SMG1: variants seen among roughly 807,000 people sequenced by gnomAD.
SMG1 encodes SMG1 nonsense mediated mRNA decay associated PI3K related kinase.
In SMG1, 22 loss-of-function variants were observed where a neutral mutation model predicts 419.9. That is an observed-to-expected ratio of 0.05 (90% CI 0.04 to 0.07). The LOEUF is 0.07. Among genes scored for constraint, SMG1 ranks in the 10% least tolerant of loss-of-function variants. The probability of loss-of-function intolerance (pLI) is 1.00; values close to 1 mark genes in which losing one functional copy is unlikely to be tolerated. For synonymous variants in SMG1, 1,538 were observed against 1,553.5 expected (o/e 0.99, Z 0.23); for missense variants, 3,185 against 4,342.0 (o/e 0.73, Z 7.49).
At chr16:18,869,381 G>A in intron 19 of SMG1, 78 bp from the exon 20 acceptor site, 9 of 1,246,622 alleles carry the variant, frequency 7.2e-6, no homozygotes, top group Non-Finnish European at 1.0e-5. Flanking sequence ...AAGGGGAATA[G>A]GAATAAGGAA....
intron 1 of SMG1, among the ~76,000 whole-genome samples, chr16:18,897,804 C>T (rs182089867): frequency 1.3e-4 from 19 of 150,630 alleles, no homozygotes; most frequent in Non-Finnish European, 1.6e-4. Flanking sequence ...CATAAACTAT[C>T]AAGAAAGAAG....
intron 13 of SMG1, among the ~76,000 whole-genome samples, chr16:18,873,200 G>C (rs1181090649): frequency 6.6e-6 from 1 of 152,090 alleles, no homozygotes; most frequent in African/African-American, 2.4e-5. Flanking sequence ...ACACAGGAAT[G>C]AGAGTACCTG....
At chr16:18,809,759 T>C (rs1053792909) in intron 62 of SMG1, 113 bp from the exon 63 acceptor site, 16 of 721,876 alleles carry the variant, frequency 2.2e-5, no homozygotes, top group Non-Finnish European at 3.4e-5. Context: ...GACTCTATAC[T>C]TACCCTGCTC....
rs972216306 is a variant in SMG1, at chr16:18,925,988, G to A, written c.54C>T (p.Gly18=). The change falls in exon 1 of 63, where the codon GGC becomes GGT. Residue 18 remains glycine (G), a synonymous_variant. Transcript: ENST00000446231. ...CATTCCAGCTCCGCGGATACTTGGT[G>A]CCGCCGCCGCCGCCGCCGCTGCTCA... The part of the protein sequence containing the change: ...SRLSSGGGGG[G]TKYPRSWNDW... 4.0e-6 allele frequency: 6 copies of A among 1,506,392 alleles called. No homozygotes were observed. Among genetic ancestry groups the A allele is most frequent in the African/African-American group, 2.9e-5 (2 of 70,064 alleles). 93.3% of individuals were successfully genotyped at this position (1,506,392 alleles called of 1,614,324 possible). A position where few individuals can be genotyped will look rare whatever the true frequency, so the allele number is the denominator to read the frequency against.
rs1004570096 is a variant in SMG1, at chr16:18,808,812, T to C, written c.*757A>G. The C allele has an allele frequency of 6.6e-6, 1 of 152,578 alleles. No homozygotes were observed. The allele number at this position is 152,578 out of a possible 1,614,324, so 9.5% of individuals were successfully genotyped here. ...ATGTTATCAGAAGTTGTTAACAGCA[T>C]CGAGACGGAAGTATATGAAATATAA... On this transcript the variant is annotated 3_prime_UTR_variant, in exon 63 of 63. Transcript: ENST00000446231.
Position 18,854,798 on chromosome 16 carries a change from C to T in SMG1, c.4341G>A (p.Gln1447=). ...NVSLATRLLA[Q]CSEVQLGKTT... ...TCTTTCCCAGCTGAACTTCACTGCA[C>T]TGTGCCAGCAGTCTTGTTGCAAGGG... Residue 1447 remains glutamine, a synonymous_variant, in exon 30 of 63, where the codon CAG becomes CAA. Coordinates refer to ENST00000446231, the MANE Select transcript of SMG1 (RefSeq NM_015092.5). The T allele has an allele frequency of 6.2e-7, 1 of 1,614,048 alleles. No homozygotes were observed. Among genetic ancestry groups the T allele is most frequent in the Non-Finnish European group, 8.5e-7 (1 of 1,179,900 alleles).
intron 36 of SMG1, among the ~76,000 whole-genome samples, chr16:18,848,740 A>G (rs886245693): frequency 6.6e-6 from 1 of 152,066 alleles, no homozygotes; most frequent in African/African-American, 2.4e-5. Context: ...TGCCAGATAC[A>G]TAGTAGTTAC....
chr16:18,912,474 A>C (rs1317680111), intron 1 of SMG1, among the ~76,000 whole-genome samples: 2 of 152,168 alleles, frequency 1.3e-5, no homozygotes, highest in East Asian at 3.9e-4. Context: ...GTTGTACCCT[A>C]TGTGTACAAT....
intron 42 of SMG1, among the ~76,000 whole-genome samples, chr16:18,838,908 G>C (rs1042612694): frequency 6.6e-6 from 1 of 152,156 alleles, no homozygotes; most frequent in African/African-American, 2.4e-5. Context: ...CTATCAGGAT[G>C]CTGGATTAAA....
intron 1 of SMG1, among the ~76,000 whole-genome samples, chr16:18,917,766 G>A (rs1280658710): frequency 3.3e-5 from 5 of 150,926 alleles, no homozygotes; most frequent in Non-Finnish European, 5.9e-5. Flanking sequence ...TAGTAGAGAC[G>A]GGGTTTCTCC....
At position 18,850,246 on chromosome 16, in the gene SMG1, G is replaced by A. The variant is rs549860139; in HGVS notation, c.5274C>T (p.Asn1758=). The change falls in exon 34 of 63, where the codon AAC becomes AAT. Residue 1758 remains asparagine, a synonymous_variant. Coordinates refer to ENST00000446231, the MANE Select transcript of SMG1 (RefSeq NM_015092.5). The stretch of plus-strand genomic sequence containing the variant: ...ACACTGTGCTACATACTTGACCAGC[G>A]TTGAGTTTAAGGAAAGTAAAGTATG... The part of the protein sequence containing the change: ...CSAYFTFLKL[N]AGQIPLDEDD... 17 of 1,609,010 alleles carry A rather than the reference G, an allele frequency of 1.1e-5. No homozygotes were observed. In the Admixed American group the frequency reaches 2.2e-4, roughly 21 times the overall value.
chr16:18,924,587 T>C (rs1218838880), intron 1 of SMG1, among the ~76,000 whole-genome samples: 1 of 152,132 alleles, frequency 6.6e-6, no homozygotes, highest in African/African-American at 2.4e-5. Flanking sequence ...AAATACTTAA[T>C]CAACTAATTT....
chr16:18,895,492 A>AAAC lies in SMG1; in HGVS notation c.412+557_412+559dup, dbSNP rs1013491951. Among the ~76,000 whole-genome samples, 7 of 149,780 alleles carry AAAC rather than the reference A, an allele frequency of 4.7e-5. No individual in the cohort carries two copies. The South Asian group carries it at 1.3e-3, about 28-fold the overall frequency. The stretch of plus-strand genomic sequence containing the variant: ...AGACTGTCTCAAAAAAATATATTGA[A>AAAC]AACAACAACAAAAAAAAAAACCAGA... On this transcript the variant is annotated intron_variant, in intron 3 of 62. Coordinates refer to ENST00000446231, the MANE Select transcript of SMG1 (RefSeq NM_015092.5).
At chr16:18,827,846 A>G (rs973697190) in intron 55 of SMG1, among the ~76,000 whole-genome samples, 185 bp downstream of exon 55, 2 of 79,582 alleles carry the variant, frequency 2.5e-5, no homozygotes, top group African/African-American at 5.9e-5. Flanking sequence ...TATCTTTGGT[A>G]TATATATACC....
chr16:18,844,026 C>A (rs1377741437), intron 39 of SMG1, among the ~76,000 whole-genome samples: 8 of 150,380 alleles, frequency 5.3e-5, no homozygotes, highest in African/African-American at 2.0e-4. Context: ...CACACACACA[C>A]GTGCGCACAC....
intron 34 of SMG1, 33 bp downstream of exon 34, chr16:18,850,204 A>G (rs1407296792): frequency 6.3e-7 from 1 of 1,579,956 alleles, no homozygotes; most frequent in Admixed American, 1.9e-5. Context: ...AAAGTTTCCA[A>G]AATAAATTTT....
chr16:18,893,352 G>A (rs2036968398), intron 3 of SMG1, among the ~76,000 whole-genome samples: 1 of 152,206 alleles, frequency 6.6e-6, no homozygotes, highest in Non-Finnish European at 1.5e-5. Flanking sequence ...GCTGGGCGAG[G>A]TGGCTCTTGC....
At chr16:18,916,866 T>C (rs2038002367) in intron 1 of SMG1, among the ~76,000 whole-genome samples, 1 of 151,958 alleles carries the variant, frequency 6.6e-6, no homozygotes, top group Non-Finnish European at 1.5e-5. Flanking sequence ...GCCTCAGGGA[T>C]TTGTTTTAGG....
In SMG1 at chr16:18,852,305, C is replaced by T. The variant is rs1480560103; in HGVS notation, c.4913+13G>A. 6 of 1,607,584 alleles carry T rather than the reference C, an allele frequency of 3.7e-6. No homozygotes were observed. The highest frequency in any genetic ancestry group is 3.4e-6 in the Non-Finnish European group (4 of 1,177,726). On this transcript the variant is annotated intron_variant, in intron 32 of 62. Coordinates refer to ENST00000446231, the MANE Select transcript of SMG1 (RefSeq NM_015092.5). ...TTATGCAATGCATAAATAAACTACA[C>T]ATTTAAACATACCTGGCATTGTCAA...
Sources: gnomAD v4.1 joint callset for allele counts (sites outside exome capture counted in the v4.1 genomes callset) on GRCh38, gnomAD v4.1.1 for gene constraint, MANE v1.5 for transcripts, NCBI Gene and HGNC (gene_info 2026-07-23, HGNC 2026-07-21) for gene names.